The following OIT3 variants were observed in gnomAD, a reference collection of about 807,000 sequenced individuals.
The protein encoded by OIT3 is oncoprotein-induced transcript 3 protein.
Under a neutral mutation model 52.2 loss-of-function variants are expected in OIT3, and 41 were observed. The ratio of observed to expected loss-of-function variants is 0.79; its 90% CI spans 0.61 to 1.02. OIT3 has a LOEUF of 1.02. OIT3 is among the 50% of genes least tolerant of loss of function. OIT3 has a pLI of 0.00. For missense variants in OIT3, 634 were observed against 715.5 expected (o/e 0.89, Z 1.30); for synonymous variants, 244 against 276.9 (o/e 0.88, Z 1.18).
intron 6 of OIT3, among the ~76,000 whole-genome samples, chr10:72,923,985 A>G (rs1476243121): frequency 6.6e-6 from 1 of 152,290 alleles, no homozygotes; most frequent in East Asian, 1.9e-4. Flanking sequence ...GGAGCAGATC[A>G]GGGTCCCACT....
intron 3 of OIT3, among the ~76,000 whole-genome samples, chr10:72,903,429 T>C (rs1483307125): frequency 6.6e-6 from 1 of 152,216 alleles, no homozygotes; most frequent in Admixed American, 6.5e-5. Context: ...GGTTTCACCA[T>C]GTTAGCCAGG....
intron 3 of OIT3, among the ~76,000 whole-genome samples, chr10:72,902,442 C>T (rs1325080021): frequency 6.6e-6 from 1 of 152,168 alleles, no homozygotes; most frequent in Non-Finnish European, 1.5e-5. Context: ...TTCCCCAACT[C>T]CATCCCAAGG....
At chr10:72,907,267 T>C (rs553417512) in intron 4 of OIT3, among the ~76,000 whole-genome samples, 9 of 151,138 alleles carry the variant, frequency 6.0e-5, no homozygotes, top group African/African-American at 2.2e-4. Context: ...AGAGAAAATA[T>C]CTCAAAAAAA....
intron 7 of OIT3, among the ~76,000 whole-genome samples, chr10:72,927,618 C>G (rs1846180920): frequency 6.6e-6 from 1 of 152,192 alleles, no homozygotes; most frequent in Admixed American, 6.5e-5. Flanking sequence ...GTCTGTGGTG[C>G]TGTACAAGAA....
Position 72,893,809 on chromosome 10 carries a change from T to G in OIT3, c.11T>G (p.Phe4Cys), listed in dbSNP as rs1385447307. 2.5e-6 allele frequency: 4 copies of G among 1,610,500 alleles called. No homozygotes were observed. Among genetic ancestry groups the G allele is most frequent in the Non-Finnish European group, 3.4e-6 (4 of 1,178,500 alleles). MPPFLLLTCLFITG... is the reference protein window; with the variant it reads MPPCLLLTCLFITG... ...AGTTGGTCCAGAAGGATGCCTCCATTCCTGCTTCTCACCTGCCTCTTCATC... is the reference window on the plus strand; with the variant it reads ...AGTTGGTCCAGAAGGATGCCTCCATGCCTGCTTCTCACCTGCCTCTTCATC... The change falls in exon 1 of 9, where the codon TTC becomes TGC. Residue 4 changes from phenylalanine to cysteine, a missense_variant. Phe to Cys is a radical substitution (Grantham distance 205). Coordinates refer to ENST00000334011, the MANE Select transcript of OIT3 (RefSeq NM_152635.3).
At position 72,913,486 on chromosome 10, in the gene OIT3, G is replaced by A; in HGVS notation, c.951+18G>A. On this transcript the variant is annotated intron_variant, in intron 6 of 8. Coordinates refer to ENST00000334011, the MANE Select transcript of OIT3 (RefSeq NM_152635.3). ...TGGTCGATGTAGGTTCCTCCTGGAG[G>A]GCACTTGGGGAATGACCAAAAGCCG... 9.4e-6 allele frequency: 15 copies of A among 1,592,178 alleles called. No homozygotes were observed. Among genetic ancestry groups the A allele is most frequent in the Non-Finnish European group, 1.3e-5 (15 of 1,163,296 alleles).
intron 3 of OIT3, among the ~76,000 whole-genome samples, chr10:72,904,611 T>C (rs1845962850): frequency 6.6e-6 from 1 of 152,232 alleles, no homozygotes; most frequent in Non-Finnish European, 1.5e-5. Context: ...TTCTTTTATT[T>C]TGCTTATTAT....
At position 72,913,344 on chromosome 10, in the gene OIT3, A is replaced by C. The variant is rs1355202121; in HGVS notation, c.827A>C (p.Asn276Thr). The C allele has an allele frequency of 8.7e-6, 14 of 1,612,572 alleles. No homozygotes were observed. Among genetic ancestry groups the C allele is most frequent in the Middle Eastern group, 3.3e-4 (2 of 6,056 alleles). ...TGCAAATCAAATGCCATTGAAGTGA[A>C]CATCCCCAGGGAGCTGGTTGGTGGC... The part of the protein sequence containing the change: ...VLCKSNAIEV[N>T]IPRELVGGLE... The change falls in exon 6 of 9, where the codon AAC becomes ACC. Residue 276 changes from asparagine (N) to threonine (T), a missense_variant. Asn to Thr is a moderately conservative substitution (Grantham distance 65). Coordinates refer to ENST00000334011, the MANE Select transcript of OIT3 (RefSeq NM_152635.3).
chr10:72,916,190 G>A (rs1038133512), intron 6 of OIT3, among the ~76,000 whole-genome samples: 7 of 151,960 alleles, frequency 4.6e-5, no homozygotes, highest in African/African-American at 1.7e-4. Context: ...TAAGTTCAGG[G>A]GTACATGTGC....
At chr10:72,916,756 G>A (rs981230328) in intron 6 of OIT3, among the ~76,000 whole-genome samples, 10 of 152,048 alleles carry the variant, frequency 6.6e-5, no homozygotes, top group Admixed American at 2.0e-4. Flanking sequence ...AGCACCACAC[G>A]GTGTTCCACA....
At chr10:72,920,446 TTTTGGTTA>T (rs1846112086) in intron 6 of OIT3, among the ~76,000 whole-genome samples, 1 of 152,192 alleles carries the variant, frequency 6.6e-6, no homozygotes, top group African/African-American at 2.4e-5. Flanking sequence ...TCACCTCTAA[TTTTGGTTA>T]TTTCTTGTCT....
intron 7 of OIT3, among the ~76,000 whole-genome samples, chr10:72,925,130 A>C (rs905758540): frequency 4.0e-5 from 6 of 151,836 alleles, no homozygotes; most frequent in Admixed American, 3.3e-4. Context: ...AAAAAAAAAA[A>C]AAAAAGGCTC....
chr10:72,908,099 T>C (rs1845995850), intron 4 of OIT3, among the ~76,000 whole-genome samples: 1 of 151,996 alleles, frequency 6.6e-6, no homozygotes, highest in Non-Finnish European at 1.5e-5. Flanking sequence ...AAAAATTAGC[T>C]GGGCGTGGTG....
chr10:72,922,511 T>A (rs766380859), intron 6 of OIT3, among the ~76,000 whole-genome samples: 1 of 152,214 alleles, frequency 6.6e-6, no homozygotes, highest in Non-Finnish European at 1.5e-5. Context: ...ATTCTTGTAT[T>A]GTGTTTTTTT....
At chr10:72,929,667 G>A (rs752080050) in intron 7 of OIT3, among the ~76,000 whole-genome samples, 10 of 151,316 alleles carry the variant, frequency 6.6e-5, no homozygotes, top group African/African-American at 9.7e-5. Flanking sequence ...TCAACCTGCC[G>A]AGTAGCTGGG....
At chr10:72,918,332 T>C in intron 6 of OIT3, 1 of 768,862 alleles carries the variant, frequency 1.3e-6, no homozygotes, top group Non-Finnish European at 2.4e-6. Context: ...TTGGACTGCC[T>C]TCGTAATTCA....
At chr10:72,893,940 G>T in intron 1 of OIT3, 81 bp downstream of exon 1, 1 of 912,762 alleles carries the variant, frequency 1.1e-6, no homozygotes, top group East Asian at 2.7e-5. Flanking sequence ...TTAAGAACTA[G>T]ATTCCAGTAC....
At chr10:72,896,482 G>A (rs924875155) in intron 1 of OIT3, among the ~76,000 whole-genome samples, 1 of 152,184 alleles carries the variant, frequency 6.6e-6, no homozygotes, top group Admixed American at 6.5e-5. Flanking sequence ...TAAAGAAAGA[G>A]GGTTGTTTCT....
chr10:72,917,399 G>A (rs553518579), intron 6 of OIT3, among the ~76,000 whole-genome samples: 5 of 151,800 alleles, frequency 3.3e-5, no homozygotes, highest in Admixed American at 1.3e-4. Flanking sequence ...CCGCTACTAC[G>A]ATGTCCTATC....
Sources: allele counts gnomAD v4.1 joint callset (sites outside exome capture counted in the v4.1 genomes callset), GRCh38; gene constraint gnomAD v4.1.1; transcripts MANE v1.5; gene names NCBI Gene and HGNC (gene_info 2026-07-23, HGNC 2026-07-21).